Variants in PWWP3B observed in about 807,000 individuals in gnomAD.
PWWP3B encodes PWWP domain containing 3B, also known as PWWP domain-containing DNA repair factor 3B.
PWWP3B carries 5 observed loss-of-function variants against 15.7 expected under a neutral mutation model. That is an observed-to-expected ratio of 0.32 (90% CI 0.17 to 0.67). PWWP3B has a LOEUF of 0.67. Ranked by LOEUF, PWWP3B falls within the 30% of genes least tolerant of loss-of-function variation. The pLI is 0.74. For synonymous variants in PWWP3B, 203 were observed against 179.8 expected (o/e 1.13, Z -1.03); for missense variants, 519 against 493.1 (o/e 1.05, Z -0.50).
chrX:106,195,741 A>AT (rs1923339685), intron 2 of PWWP3B, among the ~76,000 whole-genome samples: 1 of 111,299 alleles, frequency 9.0e-6, no homozygotes, highest in African/African-American at 3.3e-5. Flanking sequence ...TAACTTTTGT[A>AT]TTTTTTTCTC....
At position 106,206,014 on chromosome X, in the gene PWWP3B, G is replaced by C. The variant is rs1299271556; in HGVS notation, c.582G>C (p.Glu194Asp). Residue 194 changes from glutamate (E) to aspartate (D), a missense_variant, in exon 4 of 4, where the codon GAG becomes GAC. Physicochemically the swap from Glu to Asp is conservative, Grantham distance 45. Transcript: ENST00000357175. Reference sequence around the variant, plus strand: ...CATTACAAAACTCTAGCTGGTGCGAGACTTTCCCTTCACTTTCGGAAGATA... The same window carrying C: ...CATTACAAAACTCTAGCTGGTGCGACACTTTCCCTTCACTTTCGGAAGATA... ...TKSLQNSSWC[E>D]TFPSLSEDND... 8.3e-7 allele frequency: 1 copy of C among 1,207,583 alleles called. No homozygotes were observed. The highest frequency in any genetic ancestry group is 1.1e-6 in the Non-Finnish European group (1 of 893,814).
chrX:106,178,306 GGT>G (rs1360927811), intron 2 of PWWP3B, among the ~76,000 whole-genome samples: 2 of 112,231 alleles, frequency 1.8e-5, no homozygotes, highest in Non-Finnish European at 3.8e-5. Flanking sequence ...TATGTACTAT[GGT>G]GCATCCATAC....
intron 2 of PWWP3B, among the ~76,000 whole-genome samples, chrX:106,188,833 A>G (rs924055331): frequency 1.1e-4 from 12 of 112,598 alleles, no homozygotes; most frequent in African/African-American, 3.9e-4. Flanking sequence ...ATGTTGTTGC[A>G]TATATCAGTA....
intron 1 of PWWP3B, among the ~76,000 whole-genome samples, chrX:106,169,892 G>A (rs920726165): frequency 5.4e-5 from 6 of 111,587 alleles, no homozygotes; most frequent in African/African-American, 2.0e-4. Flanking sequence ...TTCGTACAGT[G>A]TATGCAATAA....
chrX:106,191,556 G>A (rs1922963902), intron 2 of PWWP3B, among the ~76,000 whole-genome samples: 1 of 111,114 alleles, frequency 9.0e-6, no homozygotes, highest in Admixed American at 9.6e-5. Context: ...TGATTGCCCT[G>A]GCCAGAACTT....
In PWWP3B at chrX:106,208,139, T is replaced by C. The variant is rs1170373812; in HGVS notation, c.*616T>C. 1 of 124,128 alleles carries C rather than the reference T, an allele frequency of 8.1e-6. No homozygotes were observed. The highest frequency in any genetic ancestry group is 1.9e-5 in the Non-Finnish European group (1 of 53,488). The allele number at this position is 124,128 out of a possible 1,213,427, so 10.2% of individuals were successfully genotyped here. A position where few individuals can be genotyped will look rare whatever the true frequency, so the allele number is the denominator to read the frequency against. ...AATTCAAAAATGAAGATTATCTGCA[T>C]ATAGTATTTATGTGTGTGAATAACA... is the stretch of plus-strand genomic sequence containing the variant. On this transcript the variant is annotated 3_prime_UTR_variant, in exon 4 of 4. Coordinates refer to ENST00000357175, the MANE Select transcript of PWWP3B (RefSeq NM_001171020.2).
At position 106,207,165 on chromosome X, in the gene PWWP3B, A is replaced by T. The variant is rs770246149; in HGVS notation, c.1733A>T (p.Lys578Ile). Residue 578 changes from lysine (K) to isoleucine (I), a missense_variant, in exon 4 of 4, where the codon AAA becomes ATA. Physicochemically the swap from Lys to Ile is moderately radical, Grantham distance 102 (BLOSUM62 -3). Coordinates refer to ENST00000357175, the MANE Select transcript of PWWP3B (RefSeq NM_001171020.2). ...NHLLAIVNGTKGSRWLKSFLN... is the reference protein window; with the variant it reads ...NHLLAIVNGTIGSRWLKSFLN... ...CTTCTGGCCATTGTAAATGGCACAA[A>T]AGGATCCAGATGGCTGAAATCATTT... 10 of 1,206,664 alleles carry T rather than the reference A, an allele frequency of 8.3e-6. No homozygotes were observed. The highest frequency in any genetic ancestry group is 2.3e-4 in the Middle Eastern group (1 of 4,350).
At chrX:106,188,366 C>T (rs1433934182) in intron 2 of PWWP3B, among the ~76,000 whole-genome samples, 2 of 111,816 alleles carry the variant, frequency 1.8e-5, no homozygotes, top group Admixed American at 9.5e-5. Context: ...TTAAACATAT[C>T]TTGTGGAACC....
At chrX:106,203,596 C>T (rs1278552131) in intron 2 of PWWP3B, among the ~76,000 whole-genome samples, 2 of 111,574 alleles carry the variant, frequency 1.8e-5, no homozygotes, top group Non-Finnish European at 3.8e-5. Context: ...AACTATGAGA[C>T]AGCATGTAAT....
At position 106,207,355 on chromosome X, in the gene PWWP3B, G is replaced by T. The variant is rs774876580; in HGVS notation, c.1923G>T (p.Leu641=). 1.1e-5 allele frequency: 13 copies of T among 1,185,554 alleles called. No homozygotes were observed. The East Asian group carries it at 3.1e-4, about 28-fold the overall frequency. Reference sequence around the variant, plus strand: ...TTAAATTTATCCTAGAAGTTCTTCTGCCAGAAGCAATTATTTGTTCAATTT... The same window carrying T: ...TTAAATTTATCCTAGAAGTTCTTCTTCCAGAAGCAATTATTTGTTCAATTT... ...DKIKFILEVL[L]PEAIICSISA... is the part of the protein sequence containing the mutation. Residue 641 remains leucine, a synonymous_variant, in exon 4 of 4, where the codon CTG becomes CTT. Coordinates refer to ENST00000357175, the MANE Select transcript of PWWP3B (RefSeq NM_001171020.2).
chrX:106,180,975 G>A (rs916707289), intron 2 of PWWP3B, among the ~76,000 whole-genome samples: 9 of 111,958 alleles, frequency 8.0e-5, no homozygotes, highest in Admixed American at 2.8e-4. Flanking sequence ...TTTGGAATAC[G>A]TAAAAACTTT....
chrX:106,175,341 C>A (rs1479233925), intron 2 of PWWP3B, among the ~76,000 whole-genome samples: 4 of 102,579 alleles, frequency 3.9e-5, no homozygotes, highest in Non-Finnish European at 7.9e-5. Context: ...CCCGGGTTCA[C>A]GCCATTCTCC....
At chrX:106,187,287 G>A (rs772128080) in intron 2 of PWWP3B, among the ~76,000 whole-genome samples, 15 of 112,165 alleles carry the variant, frequency 1.3e-4, no homozygotes, top group Non-Finnish European at 2.8e-4. Context: ...TAATGATGGG[G>A]TTGTGAGGTC....
At chrX:106,192,845 A>T (rs1923087607) in intron 2 of PWWP3B, among the ~76,000 whole-genome samples, 1 of 108,778 alleles carries the variant, frequency 9.2e-6, no homozygotes, top group Admixed American at 9.8e-5. Context: ...CATGTAGTTG[A>T]GTGGTTTTGA....
At position 106,198,031 on chromosome X, in the gene PWWP3B, C is replaced by T. The variant is rs192981265; in HGVS notation, c.-400-5954C>T. 6.3e-5 allele frequency among the ~76,000 whole-genome samples: 7 copies of T among 111,896 alleles called. No individual in the cohort carries two copies. In the East Asian group the frequency reaches 2.0e-3, roughly 31 times the overall value. ...GCTTTCTAAGGCATACTTGCAAAGA[C>T]TTGCTTTTTATATAATGGTTATTAC... is the stretch of plus-strand genomic sequence containing the variant. On this transcript the variant is annotated intron_variant, in intron 2 of 3. Coordinates refer to ENST00000357175, the MANE Select transcript of PWWP3B (RefSeq NM_001171020.2).
At chrX:106,200,992 G>A (rs1484227918) in intron 2 of PWWP3B, among the ~76,000 whole-genome samples, 2 of 108,660 alleles carry the variant, frequency 1.8e-5, no homozygotes, top group African/African-American at 3.4e-5. Flanking sequence ...AGCTTGCAGT[G>A]AGCCGAGATC....
chrX:106,181,273 C>T (rs752047302), intron 2 of PWWP3B, among the ~76,000 whole-genome samples: 3 of 111,574 alleles, frequency 2.7e-5, no homozygotes, highest in East Asian at 2.8e-4. Flanking sequence ...GAAGGGGACC[C>T]GAGTGGGTTG....
chrX:106,187,786 C>T (rs1922610311), intron 2 of PWWP3B, among the ~76,000 whole-genome samples: 2 of 111,483 alleles, frequency 1.8e-5, no homozygotes, highest in Non-Finnish European at 3.8e-5. Context: ...TTACCAATGT[C>T]TGTGGCCTCC....
intron 2 of PWWP3B, among the ~76,000 whole-genome samples, chrX:106,196,427 G>GT (rs764148951): frequency 2.7e-5 from 3 of 111,369 alleles, no homozygotes; most frequent in African/African-American, 3.3e-5. Flanking sequence ...TTTATTTTTT[G>GT]TTTTTTTGTA....
Sources: allele counts gnomAD v4.1 joint callset (sites outside exome capture counted in the v4.1 genomes callset), GRCh38; gene constraint gnomAD v4.1.1; transcripts MANE v1.5; gene names NCBI Gene and HGNC (gene_info 2026-07-23, HGNC 2026-07-21).